The following CCSER1 variants were observed in gnomAD, a reference collection of about 807,000 sequenced individuals.
CCSER1 encodes coiled-coil serine rich protein 1.
CCSER1 carries 41 observed loss-of-function variants against 82.0 expected under a neutral mutation model. The observed-to-expected ratio is 0.50, with a 90% CI of 0.39 to 0.65. The LOEUF (loss-of-function observed/expected upper bound fraction) is 0.65. Among genes scored for constraint, CCSER1 ranks in the 30% least tolerant of loss-of-function variants. CCSER1 has a pLI of 0.00. For synonymous variants in CCSER1, 414 were observed against 383.9 expected (o/e 1.08, Z -0.92); for missense variants, 1,119 against 1,064.2 (o/e 1.05, Z -0.72).
At chr4:91,082,496 A>G (rs943410404) in intron 9 of CCSER1, among the ~76,000 whole-genome samples, 2 of 152,248 alleles carry the variant, frequency 1.3e-5, no homozygotes, top group African/African-American at 4.8e-5. Context: ...GGCCATAGGC[A>G]TGAGCAAGGA....
chr4:91,367,130 C>CAAAA (rs70965488), intron 10 of CCSER1, among the ~76,000 whole-genome samples: 1 of 63,716 alleles, frequency 1.6e-5, no homozygotes, highest in Non-Finnish European at 3.1e-5. Flanking sequence ...ACCATCTCTC[C>CAAAA]AAAAAAAAAA....
At chr4:90,592,121 A>G (rs181194260) in intron 5 of CCSER1, among the ~76,000 whole-genome samples, 1 of 152,304 alleles carries the variant, frequency 6.6e-6, no homozygotes, top group East Asian at 1.9e-4. Flanking sequence ...TGATAGGTGC[A>G]GGAAACCACC....
chr4:90,213,495 C>T (rs764673268), intron 1 of CCSER1, among the ~76,000 whole-genome samples: 5 of 152,030 alleles, frequency 3.3e-5, no homozygotes, highest in Non-Finnish European at 7.4e-5. Flanking sequence ...CGGTATATAG[C>T]TGGGCATTTA....
intron 3 of CCSER1, among the ~76,000 whole-genome samples, chr4:90,336,068 A>G (rs1411491596): frequency 2.6e-5 from 4 of 152,236 alleles, no homozygotes; most frequent in Non-Finnish European, 5.9e-5. Flanking sequence ...AATAGCATAA[A>G]TCACATGTCT....
chr4:90,918,628 A>T (rs1027758578), intron 8 of CCSER1, among the ~76,000 whole-genome samples: 1 of 141,536 alleles, frequency 7.1e-6, no homozygotes, highest in Admixed American at 7.7e-5. Flanking sequence ...TTTCATGCTC[A>T]TTCAAGAGAG....
At chr4:90,498,583 G>GT (rs1303507711) in intron 5 of CCSER1, among the ~76,000 whole-genome samples, 1 of 152,108 alleles carries the variant, frequency 6.6e-6, no homozygotes, top group African/African-American at 2.4e-5. Flanking sequence ...CTGCCTCATT[G>GT]TAAATTATAA....
At chr4:91,235,012 T>C (rs1738896661) in intron 10 of CCSER1, among the ~76,000 whole-genome samples, 1 of 152,050 alleles carries the variant, frequency 6.6e-6, no homozygotes, top group East Asian at 1.9e-4. Flanking sequence ...AGGCTTTGAA[T>C]CTTGGTTCCG....
chr4:91,511,611 T>C (rs1224340660), intron 10 of CCSER1, among the ~76,000 whole-genome samples: 1 of 152,094 alleles, frequency 6.6e-6, no homozygotes, highest in Non-Finnish European at 1.5e-5. Context: ...GAGCTCCACC[T>C]CCTGTCAGAT....
chr4:90,795,604 C>A (rs1390401623), intron 7 of CCSER1, among the ~76,000 whole-genome samples: 1 of 152,136 alleles, frequency 6.6e-6, no homozygotes, highest in Non-Finnish European at 1.5e-5. Context: ...CAGCTTTTGC[C>A]CATTCAGTGT....
chr4:91,295,401 T>C (rs1744077558), intron 10 of CCSER1, among the ~76,000 whole-genome samples: 1 of 151,890 alleles, frequency 6.6e-6, no homozygotes, highest in African/African-American at 2.4e-5. Flanking sequence ...AGGCAAAATT[T>C]TTACTACAGT....
intron 10 of CCSER1, among the ~76,000 whole-genome samples, chr4:91,592,483 G>A (rs749942732): frequency 2.6e-5 from 4 of 152,056 alleles, no homozygotes; most frequent in Non-Finnish European, 5.9e-5. Flanking sequence ...TTCTCATTGT[G>A]TATCTTAACC....
rs527456262 is a variant in CCSER1, at chr4:90,815,974, A to C, written c.2094+129A>C. 7 of 537,444 alleles carry C rather than the reference A, an allele frequency of 1.3e-5. No homozygotes were observed. The South Asian group carries it at 1.3e-4, about 10-fold the overall frequency. The allele number at this position is 537,444 out of a possible 1,614,324, so 33.3% of individuals were successfully genotyped here. A position where few individuals can be genotyped will look rare whatever the true frequency, so the allele number is the denominator to read the frequency against. On this transcript the variant is annotated intron_variant, in intron 8 of 10. Transcript: ENST00000509176. ...CTTCCAGTGGTTCAATCCAATGATC[A>C]GTTTTTATAATTCTGTCATGAAAAC...
chr4:90,314,837 C>CT (rs765931168), intron 3 of CCSER1, among the ~76,000 whole-genome samples: 8,458 of 87,590 alleles, frequency 0.097, 3,191 homozygotes, highest in Non-Finnish European at 0.13. Flanking sequence ...CTCAGATTTA[C>CT]TTTTTTTTTT....
At chr4:91,069,934 T>G (rs1008735210) in intron 9 of CCSER1, among the ~76,000 whole-genome samples, 25 of 152,156 alleles carry the variant, frequency 1.6e-4, no homozygotes, top group Non-Finnish European at 3.4e-4. Context: ...TTTAAATGTG[T>G]TGTTCTCAAT....
intron 10 of CCSER1, among the ~76,000 whole-genome samples, chr4:91,114,106 C>G (rs529972007): frequency 2.6e-5 from 4 of 152,306 alleles, no homozygotes; most frequent in Non-Finnish European, 4.4e-5. Context: ...CCCGTCTCGG[C>G]CTCCCGAAGT....
intron 8 of CCSER1, among the ~76,000 whole-genome samples, chr4:90,877,970 G>C (rs1479367685): frequency 6.6e-6 from 1 of 152,128 alleles, no homozygotes; most frequent in Non-Finnish European, 1.5e-5. Context: ...GGCATGTCCA[G>C]CAAGCTTCCA....
chr4:91,229,723 C>T (rs896711111), intron 10 of CCSER1, among the ~76,000 whole-genome samples: 1 of 152,082 alleles, frequency 6.6e-6, no homozygotes, highest in Non-Finnish European at 1.5e-5. Flanking sequence ...TCTCAGCAAA[C>T]TAACACAGGA....
intron 3 of CCSER1, among the ~76,000 whole-genome samples, chr4:90,391,108 CAAAAAAA>C (rs1326557051): frequency 1.9e-5 from 1 of 51,890 alleles, no homozygotes; most frequent in Non-Finnish European, 4.1e-5. Flanking sequence ...ACTAAAAATA[CAAAAAAA>C]AAAAAAAAAA....
chr4:90,628,357 T>A, intron 6 of CCSER1, 125 bp downstream of exon 6: 1 of 678,362 alleles, frequency 1.5e-6, no homozygotes, highest in Non-Finnish European at 2.6e-6. Flanking sequence ...GGTTTCCTCT[T>A]GGAGCTTAGC....
Sources: allele counts gnomAD v4.1 joint callset (sites outside exome capture counted in the v4.1 genomes callset), GRCh38; gene constraint gnomAD v4.1.1; transcripts MANE v1.5; gene names NCBI Gene and HGNC (gene_info 2026-07-23, HGNC 2026-07-21).